PLD2: variants seen among roughly 807,000 people sequenced by gnomAD.
PLD2 encodes choline phosphatase 2.
Under a neutral mutation model 119.8 loss-of-function variants are expected in PLD2, and 101 were observed. The ratio of observed to expected loss-of-function variants is 0.84; its 90% CI spans 0.72 to 0.99. The LOEUF (loss-of-function observed/expected upper bound fraction) is 0.99, where lower values mean the gene tolerates loss of function less well. PLD2 is among the 50% of genes least tolerant of loss of function. PLD2 has a pLI of 0.00. For missense variants in PLD2, 1,164 were observed against 1,226.8 expected (o/e 0.95, Z 0.76); for synonymous variants, 494 against 482.8 (o/e 1.02, Z -0.30).
Position 4,818,838 on chromosome 17 carries a change from C to T in PLD2, c.2173+15C>T, listed in dbSNP as rs3764900. 0.27 allele frequency: 441,735 copies of T among 1,611,610 alleles called. 62,057 individuals are homozygous for T. The highest frequency in any genetic ancestry group is 0.38 in the East Asian group (17,226 of 44,860). ...TAAAGCAGCCAGTGAGTGCTGGGGG[C>T]TGGGGGCTCAAGCCCTGGGCCCCTG... On this transcript the variant is annotated intron_variant, in intron 21 of 24. Coordinates refer to ENST00000263088, the MANE Select transcript of PLD2 (RefSeq NM_002663.5).
chr17:4,822,492 C>CAAA (rs112032023), intron 24 of PLD2, 148 bp from the exon 25 acceptor site: 104 of 493,418 alleles, frequency 2.1e-4, no homozygotes, highest in Non-Finnish European at 2.5e-4. Flanking sequence ...AACTCCGTCT[C>CAAA]AAAAAAAAAA....
At chr17:4,815,997 C>A in intron 14 of PLD2, 63 bp downstream of exon 14, 4 of 1,221,262 alleles carry the variant, frequency 3.3e-6, no homozygotes, top group Non-Finnish European at 3.6e-6. Context: ...AACACCATTT[C>A]CCAGCTCCAG....
intron 10 of PLD2, among the ~76,000 whole-genome samples, chr17:4,813,290 A>G (rs1906655306): frequency 2.0e-5 from 3 of 152,210 alleles, no homozygotes; most frequent in Admixed American, 1.3e-4. Context: ...GATTACAGGC[A>G]TGAGCCACCT....
rs1251298075 is a variant in PLD2, at chr17:4,812,337, C to G, written c.1010+1386C>G. 2.0e-5 allele frequency among the ~76,000 whole-genome samples: 3 copies of G among 149,212 alleles called. No homozygotes were observed. The East Asian group carries it at 6.0e-4, about 30-fold the overall frequency. ...TTGAGATGGAGTCTGTCTCTGTCAC[C>G]AGGCTGGAGTGCAGTGGCAGGATCC... On this transcript the variant is annotated intron_variant, in intron 10 of 24. Coordinates refer to ENST00000263088, the MANE Select transcript of PLD2 (RefSeq NM_002663.5).
At chr17:4,814,818 G>C in intron 12 of PLD2, 107 bp downstream of exon 12, 4 of 983,032 alleles carry the variant, frequency 4.1e-6, no homozygotes, top group Middle Eastern at 2.4e-4. Context: ...TTCAGGGGAG[G>C]GAAAAGTGTC....
chr17:4,818,373 T>C lies in PLD2; in HGVS notation c.1997T>C (p.Leu666Pro), dbSNP rs1314310218. ...KVGDEIVDRI[L>P]KAHKQGWCYR... ...GGCGATGAGATTGTGGACAGAATCCTGAAGGCCCACAAGTAAGGTGGACTG... is the reference window on the plus strand; with the variant it reads ...GGCGATGAGATTGTGGACAGAATCCCGAAGGCCCACAAGTAAGGTGGACTG... Residue 666 changes from leucine to proline, a missense_variant, in exon 19 of 25, where the codon CTG (leucine) becomes CCG (proline). Leu to Pro is a moderately conservative substitution (Grantham distance 98, BLOSUM62 -3). Coordinates refer to ENST00000263088, the MANE Select transcript of PLD2 (RefSeq NM_002663.5). The C allele has an allele frequency of 6.2e-7, 1 of 1,614,086 alleles. No homozygotes were observed. The highest frequency in any genetic ancestry group is 1.7e-5 in the Admixed American group (1 of 60,012).
rs1458427283 is a variant in PLD2, at chr17:4,822,882, G to T, written c.*18G>T. ...GGACATAGTTGAGGCCCCCGTCAGG[G>T]AGAGGTCACCAGCTGCTGTGCCCCA... is the stretch of plus-strand genomic sequence containing the variant. On this transcript the variant is annotated 3_prime_UTR_variant, in exon 25 of 25. Transcript: ENST00000263088. 5 of 1,422,642 alleles carry T rather than the reference G, an allele frequency of 3.5e-6. No individual in the cohort carries two copies. The highest frequency in any genetic ancestry group is 4.9e-6 in the Non-Finnish European group (5 of 1,011,736). The allele number at this position is 1,422,642 out of a possible 1,614,324, so 88.1% of individuals were successfully genotyped here.
At chr17:4,822,285 C>T (rs1266961120) in intron 24 of PLD2, among the ~76,000 whole-genome samples, 1 of 152,050 alleles carries the variant, frequency 6.6e-6, no homozygotes, top group African/African-American at 2.4e-5. Flanking sequence ...CGCCATTGCA[C>T]TCCAGCCACC....
chr17:4,818,259 GC>G (rs1297738299), intron 18 of PLD2, 37 bp from the exon 19 acceptor site: 3 of 1,575,680 alleles, frequency 1.9e-6, no homozygotes, highest in Non-Finnish European at 2.6e-6. Flanking sequence ...AGGGCCAGGG[GC>G]CAGGCTGCTG....
At chr17:4,822,223 G>A (rs1425649052) in intron 24 of PLD2, among the ~76,000 whole-genome samples, 1 of 152,074 alleles carries the variant, frequency 6.6e-6, no homozygotes, top group Non-Finnish European at 1.5e-5. Flanking sequence ...GGAGGCTGAG[G>A]CAGGAGAATC....
chr17:4,810,768 G>A (rs761375078), intron 9 of PLD2, 34 bp from the exon 10 acceptor site: 33 of 1,587,098 alleles, frequency 2.1e-5, no homozygotes, highest in Admixed American at 5.2e-5. Context: ...TATGGAGGGC[G>A]AGGATTTATG....
intron 24 of PLD2, 82 bp downstream of exon 24, chr17:4,821,989 C>G: frequency 1.2e-6 from 1 of 852,738 alleles, no homozygotes; most frequent in Non-Finnish European, 2.0e-6. Context: ...GAGAGAAGCG[C>G]CACCATACAG....
chr17:4,817,326 C>T (rs1211591447), intron 17 of PLD2, 67 bp downstream of exon 17: 1 of 1,025,806 alleles, frequency 9.7e-7, no homozygotes, highest in Non-Finnish European at 1.6e-6. Context: ...AACCCACTCT[C>T]CCTGGTGTGA....
chr17:4,810,688 C>A, intron 9 of PLD2, 114 bp from the exon 10 acceptor site: 3 of 988,430 alleles, frequency 3.0e-6, no homozygotes, highest in African/African-American at 1.7e-5. Context: ...CACGCCCTAT[C>A]CCTGTGCAGT....
chr17:4,821,179 G>A (rs1454834288), intron 23 of PLD2, among the ~76,000 whole-genome samples: 2 of 151,042 alleles, frequency 1.3e-5, no homozygotes, highest in South Asian at 4.2e-4. Flanking sequence ...TGGGATTACA[G>A]GCATGAGCCA....
chr17:4,809,255 C>T (rs1448721457), intron 5 of PLD2, 43 bp from the exon 6 acceptor site: 1 of 1,610,984 alleles, frequency 6.2e-7, no homozygotes, highest in South Asian at 1.1e-5. Context: ...GTGCAAATGG[C>T]TCGGTCCCAT....
intron 9 of PLD2, among the ~76,000 whole-genome samples, chr17:4,810,309 A>AC (rs554278157): frequency 3.5e-4 from 54 of 152,304 alleles, no homozygotes; most frequent in African/African-American, 1.3e-3. Flanking sequence ...AGTGCCTGGT[A>AC]CAATACTGGT....
rs1253922660 is a variant in PLD2 at position 4,822,733 on chromosome 17, T to A, written c.2671T>A (p.Leu891Met). The A allele has an allele frequency of 1.9e-6, 3 of 1,613,896 alleles. No individual in the cohort carries two copies. Among genetic ancestry groups the A allele is most frequent in the Admixed American group, 1.7e-5 (1 of 60,022 alleles). The change falls in exon 25 of 25, where the codon TTG (leucine) becomes ATG (methionine). Residue 891 changes from leucine to methionine, a missense_variant. Physicochemically the swap from Leu to Met is conservative, Grantham distance 15. Coordinates refer to ENST00000263088, the MANE Select transcript of PLD2 (RefSeq NM_002663.5). ...VEPLATVSPP[L>M]ARSELTQVQG... ...GCCCTTGGCCACGGTCAGTCCCCCC[T>A]TGGCTCGGTCTGAGCTCACCCAGGT...
Position 4,815,488 on chromosome 17 carries a change from CGTGTG to C in PLD2, c.1187_1191del (p.Arg396LeufsTer6). The stretch of plus-strand genomic sequence containing the variant: ...AACTCACCACCAGGAGGAGGGTGTC[CGTGTG>C]TCTATTCTGCTGTTTAAAGAAGTGG... On this transcript the variant is annotated frameshift_variant, in exon 13 of 25. Coordinates refer to ENST00000263088, the MANE Select transcript of PLD2 (RefSeq NM_002663.5). LOFTEE classifies it high-confidence loss of function. The C allele has an allele frequency of 1.9e-6, 3 of 1,608,244 alleles. No individual in the cohort carries two copies. Among genetic ancestry groups the C allele is most frequent in the Non-Finnish European group, 8.5e-7 (1 of 1,174,776 alleles).
Sources: gnomAD v4.1 joint callset for allele counts (sites outside exome capture counted in the v4.1 genomes callset) on GRCh38, gnomAD v4.1.1 for gene constraint, MANE v1.5 for transcripts, NCBI Gene and HGNC (gene_info 2026-07-23, HGNC 2026-07-21) for gene names.